RPS6KA5: variants seen among roughly 807,000 people sequenced by gnomAD.
RPS6KA5 encodes ribosomal protein S6 kinase A5.
RPS6KA5 carries 27 observed loss-of-function variants against 85.5 expected under a neutral mutation model. The ratio of observed to expected loss-of-function variants is 0.32; its 90% CI spans 0.23 to 0.44. RPS6KA5 has a LOEUF of 0.44. Among genes scored for constraint, RPS6KA5 ranks in the 20% least tolerant of loss-of-function variants. RPS6KA5 has a pLI of 1.00. For missense variants in RPS6KA5, 811 were observed against 980.9 expected (o/e 0.83, Z 2.31); for synonymous variants, 334 against 348.2 (o/e 0.96, Z 0.46).
At chr14:90,877,283 T>G (rs1397998632) in intron 14 of RPS6KA5, among the ~76,000 whole-genome samples, 1 of 152,138 alleles carries the variant, frequency 6.6e-6, no homozygotes, top group African/African-American at 2.4e-5. Flanking sequence ...TGAAGAAGAT[T>G]AATTGCTCTA....
At chr14:90,962,481 T>A (rs1331709356) in intron 3 of RPS6KA5, among the ~76,000 whole-genome samples, 1 of 152,104 alleles carries the variant, frequency 6.6e-6, no homozygotes, top group Non-Finnish European at 1.5e-5. Flanking sequence ...GAGACAGGGT[T>A]TCGCCATGTT....
intron 3 of RPS6KA5, among the ~76,000 whole-genome samples, chr14:90,966,250 A>T (rs1248744223): frequency 6.6e-6 from 1 of 152,214 alleles, no homozygotes; most frequent in Non-Finnish European, 1.5e-5. Flanking sequence ...ATGATTTTTT[A>T]AAATGATGTT....
At chr14:90,925,042 T>G (rs1490857110) in intron 5 of RPS6KA5, among the ~76,000 whole-genome samples, 1 of 152,128 alleles carries the variant, frequency 6.6e-6, no homozygotes, top group Non-Finnish European at 1.5e-5. Flanking sequence ...CTAGAAATGT[T>G]TGACTGATTT....
At chr14:90,895,866 G>A (rs1168192030) in intron 12 of RPS6KA5, among the ~76,000 whole-genome samples, 1 of 152,136 alleles carries the variant, frequency 6.6e-6, no homozygotes, top group African/African-American at 2.4e-5. Flanking sequence ...CTCCAGCCTG[G>A]GTGACAGAGA....
chr14:90,988,444 G>C (rs1566831631), intron 2 of RPS6KA5, among the ~76,000 whole-genome samples: 1 of 152,214 alleles, frequency 6.6e-6, no homozygotes, highest in Non-Finnish European at 1.5e-5. Flanking sequence ...CTCATATCAT[G>C]TATATCTTAG....
chr14:90,871,440 T>A lies in RPS6KA5; in HGVS notation c.*634A>T, dbSNP rs1249840144. ...AAACATACACATAGCTTAGCATGCATCTCAGATGGATCCCGAATACAGAGT... is the reference window on the plus strand; with the variant it reads ...AAACATACACATAGCTTAGCATGCAACTCAGATGGATCCCGAATACAGAGT... On this transcript the variant is annotated 3_prime_UTR_variant, in exon 17 of 17. Transcript: ENST00000614987. 1 of 151,258 alleles carries A rather than the reference T, an allele frequency of 6.6e-6. No homozygotes were observed. The highest frequency in any genetic ancestry group is 2.4e-5 in the African/African-American group (1 of 41,158). The allele number at this position is 151,258 out of a possible 1,614,324, so 9.4% of individuals were successfully genotyped here.
intron 1 of RPS6KA5, among the ~76,000 whole-genome samples, chr14:91,004,724 T>C (rs2040936741): frequency 6.7e-6 from 1 of 149,530 alleles, no homozygotes; most frequent in African/African-American, 2.4e-5. Flanking sequence ...TCCCAACACT[T>C]TGGGAGGCCG....
Position 90,857,642 on chromosome 14 carries a change from T to C in RPS6KA5, c.*14432A>G, listed in dbSNP as rs2032348247. 1 of 152,188 alleles carries C rather than the reference T, an allele frequency of 6.6e-6. No individual in the cohort carries two copies. The highest frequency in any genetic ancestry group is 2.4e-5 in the African/African-American group (1 of 41,446). 9.4% of individuals were successfully genotyped at this position (152,188 alleles called of 1,614,324 possible). The stretch of plus-strand genomic sequence containing the variant: ...TAGTGTGGGTGAACTGTGAACTGCA[T>C]TAAGCTCTACAGAGTTTTTTCAAAA... On this transcript the variant is annotated 3_prime_UTR_variant, in exon 17 of 17. Coordinates refer to ENST00000614987, the MANE Select transcript of RPS6KA5 (RefSeq NM_004755.4).
intron 2 of RPS6KA5, among the ~76,000 whole-genome samples, chr14:90,983,835 CTCTCTTTCTTTT>C (rs1235358253): frequency 4.3e-4 from 60 of 139,480 alleles, no homozygotes; most frequent in African/African-American, 1.6e-3. Flanking sequence ...CTCTCTCTCT[CTCTCTTTCTTTT>C]TTTCTTTCTT....
chr14:90,938,569 G>T (rs969793292), intron 5 of RPS6KA5, among the ~76,000 whole-genome samples: 2 of 152,240 alleles, frequency 1.3e-5, no homozygotes, highest in Admixed American at 1.3e-4. Context: ...GGGCATCCAG[G>T]TGTTTCCACA....
At position 90,947,551 on chromosome 14, in the gene RPS6KA5, C is replaced by A; in HGVS notation, c.395-1G>T. 6.6e-7 allele frequency: 1 copy of A among 1,518,470 alleles called. No homozygotes were observed. Among genetic ancestry groups the A allele is most frequent in the South Asian group, 1.2e-5 (1 of 86,598 alleles). 94.1% of individuals were successfully genotyped at this position (1,518,470 alleles called of 1,614,324 possible). ...AAAAGTTCACCACCATTTATATAAT[C>A]TAAAAATGAAATACATTTTTCTTTC... On this transcript the variant is annotated splice_acceptor_variant, in intron 3 of 16. Transcript: ENST00000614987. LOFTEE classifies it high-confidence loss of function.
intron 1 of RPS6KA5, among the ~76,000 whole-genome samples, chr14:91,003,318 T>G (rs1030104464): frequency 6.6e-6 from 1 of 152,176 alleles, no homozygotes; most frequent in Non-Finnish European, 1.5e-5. Context: ...AGATAAGGAA[T>G]TATTTTTTGA....
chr14:90,944,829 G>A (rs2037783305), intron 4 of RPS6KA5, among the ~76,000 whole-genome samples: 2 of 151,964 alleles, frequency 1.3e-5, no homozygotes, highest in Non-Finnish European at 1.5e-5. Context: ...TGAGGCAGGA[G>A]GATCACTTGA....
intron 3 of RPS6KA5, among the ~76,000 whole-genome samples, chr14:90,962,220 C>T (rs2038833093): frequency 6.6e-6 from 1 of 151,930 alleles, no homozygotes; most frequent in African/African-American, 2.4e-5. Flanking sequence ...TATTGTTAGT[C>T]TAGGAAGTAC....
At chr14:91,033,171 C>CA (rs2042260200) in intron 1 of RPS6KA5, among the ~76,000 whole-genome samples, 1 of 140,704 alleles carries the variant, frequency 7.1e-6, no homozygotes, top group South Asian at 2.3e-4. Context: ...GCCTGGCAGA[C>CA]AGAGTGAGAC....
At chr14:90,937,643 G>A (rs1233633007) in intron 5 of RPS6KA5, among the ~76,000 whole-genome samples, 8 of 152,152 alleles carry the variant, frequency 5.3e-5, no homozygotes, top group Non-Finnish European at 1.0e-4. Flanking sequence ...ACGTGGCTGG[G>A]GAGGTCTTGC....
chr14:90,899,156 CAG>C (rs2035010055), intron 12 of RPS6KA5, among the ~76,000 whole-genome samples, 171 bp downstream of exon 12: 1 of 151,992 alleles, frequency 6.6e-6, no homozygotes, highest in Non-Finnish European at 1.5e-5. Context: ...GGTTGGGAAA[CAG>C]TGTGTGGTTG....
intron 3 of RPS6KA5, among the ~76,000 whole-genome samples, chr14:90,960,669 C>T (rs920175174): frequency 3.3e-5 from 5 of 152,178 alleles, no homozygotes; most frequent in Admixed American, 3.3e-4. Flanking sequence ...GTCCAATCTA[C>T]CTGGTGGACT....
At chr14:91,029,168 G>A (rs1275575038) in intron 1 of RPS6KA5, among the ~76,000 whole-genome samples, 10 of 152,042 alleles carry the variant, frequency 6.6e-5, no homozygotes, top group Admixed American at 6.5e-4. Flanking sequence ...TCTTTGTTGT[G>A]TGCCCATAAA....
Sources: allele counts gnomAD v4.1 joint callset (sites outside exome capture counted in the v4.1 genomes callset), GRCh38; gene constraint gnomAD v4.1.1; transcripts MANE v1.5; gene names NCBI Gene and HGNC (gene_info 2026-07-23, HGNC 2026-07-21).